Variants in ADAMTS19 observed in about 807,000 individuals in gnomAD.
The protein encoded by ADAMTS19 is ADAM metallopeptidase with thrombospondin type 1 motif 19.
A neutral mutation model predicts 153.3 loss-of-function variants in ADAMTS19; 93 were observed. That is an observed-to-expected ratio of 0.61 (90% CI 0.51 to 0.72). The LOEUF is 0.72. ADAMTS19 is among the 30% of genes least tolerant of loss of function. The probability of loss-of-function intolerance (pLI) is 0.00; values close to 1 mark genes in which losing one functional copy is unlikely to be tolerated. For synonymous variants in ADAMTS19, 600 were observed against 556.6 expected (o/e 1.08, Z -1.10); for missense variants, 1,482 against 1,552.1 (o/e 0.95, Z 0.76).
At chr5:129,542,395 T>C (rs1303104020) in intron 6 of ADAMTS19, among the ~76,000 whole-genome samples, 2 of 152,172 alleles carry the variant, frequency 1.3e-5, no homozygotes, top group South Asian at 2.1e-4. Context: ...AGTGGAAAGA[T>C]GCTAGGGACT....
chr5:129,637,049 C>T (rs192755131), intron 10 of ADAMTS19, among the ~76,000 whole-genome samples: 45 of 151,884 alleles, frequency 3.0e-4, no homozygotes, highest in Admixed American at 2.3e-3. Context: ...TTTTTTGCCT[C>T]TTTGAATATA....
At chr5:129,593,968 G>A (rs1456546941) in intron 7 of ADAMTS19, among the ~76,000 whole-genome samples, 1 of 152,010 alleles carries the variant, frequency 6.6e-6, no homozygotes, top group Non-Finnish European at 1.5e-5. Context: ...ATCAAATAAT[G>A]TTGCCTCCTT....
At chr5:129,478,504 T>A (rs188127394) in intron 2 of ADAMTS19, among the ~76,000 whole-genome samples, 333 of 152,300 alleles carry the variant, frequency 2.2e-3, no homozygotes, top group Non-Finnish European at 3.7e-3. Context: ...CTCCTTTTAA[T>A]CATACCTACA....
chr5:129,566,790 G>T (rs1753731644), intron 7 of ADAMTS19, among the ~76,000 whole-genome samples: 1 of 152,054 alleles, frequency 6.6e-6, no homozygotes, highest in Non-Finnish European at 1.5e-5. Flanking sequence ...AGTAACAGTG[G>T]CAGGAAGATG....
intron 8 of ADAMTS19, among the ~76,000 whole-genome samples, chr5:129,614,364 T>G (rs2189133): frequency 0.58 from 88,564 of 151,904 alleles, 27,224 homozygotes; most frequent in Non-Finnish European, 0.69. Context: ...ATCCCTGGGA[T>G]GCAAGGCTGG....
At chr5:129,472,693 T>C (rs1580983272) in intron 2 of ADAMTS19, among the ~76,000 whole-genome samples, 1 of 151,958 alleles carries the variant, frequency 6.6e-6, no homozygotes, top group Non-Finnish European at 1.5e-5. Context: ...GTTTCAGTCA[T>C]CAGCAATTTT....
At chr5:129,552,444 G>T (rs1403119470) in intron 7 of ADAMTS19, among the ~76,000 whole-genome samples, 4 of 151,616 alleles carry the variant, frequency 2.6e-5, no homozygotes, top group Non-Finnish European at 4.4e-5. Context: ...TTCTAATTTT[G>T]AGAAAATGGT....
Position 129,738,293 on chromosome 5 carries a change from A to G in ADAMTS19, c.*1075A>G, listed in dbSNP as rs1757759308. 1 of 152,096 alleles carries G rather than the reference A, an allele frequency of 6.6e-6. No homozygotes were observed. Among genetic ancestry groups the G allele is most frequent in the Non-Finnish European group, 1.5e-5 (1 of 67,996 alleles). 9.4% of individuals were successfully genotyped at this position (152,096 alleles called of 1,614,324 possible). On this transcript the variant is annotated 3_prime_UTR_variant, in exon 23 of 23. Transcript: ENST00000274487. ...TGAGAAAATATTATACATGATTCAC[A>G]TGATTTCTTAGATTTTTCAATAAAA...
At chr5:129,522,316 T>TATACACACACACACACACACAC (rs1249492013) in intron 3 of ADAMTS19, among the ~76,000 whole-genome samples, 13 of 91,926 alleles carry the variant, frequency 1.4e-4, no homozygotes, top group African/African-American at 5.2e-4. Context: ...TATATATATA[T>TATACACACACACACACACACAC]ACACACACAC....
intron 6 of ADAMTS19, among the ~76,000 whole-genome samples, chr5:129,535,771 A>G (rs898371689): frequency 2.6e-5 from 4 of 152,168 alleles, no homozygotes; most frequent in Non-Finnish European, 5.9e-5. Context: ...ATCTACAACT[A>G]TATGATCTTT....
intron 6 of ADAMTS19, among the ~76,000 whole-genome samples, chr5:129,540,372 GT>G (rs1176060133): frequency 6.6e-6 from 1 of 151,966 alleles, no homozygotes; most frequent in African/African-American, 2.4e-5. Flanking sequence ...ATGCTTCTGG[GT>G]TCATAGTAAC....
chr5:129,619,198 T>C (rs116496146), intron 8 of ADAMTS19, among the ~76,000 whole-genome samples: 277 of 152,132 alleles, frequency 1.8e-3, no homozygotes, highest in African/African-American at 6.2e-3. Context: ...GGTTGCAGGA[T>C]GGAATTTATA....
intron 7 of ADAMTS19, among the ~76,000 whole-genome samples, chr5:129,574,295 C>A (rs1754020720): frequency 6.6e-6 from 1 of 151,710 alleles, no homozygotes; most frequent in African/African-American, 2.4e-5. Context: ...GCATTTTTTT[C>A]TTTATTTCTT....
intron 7 of ADAMTS19, among the ~76,000 whole-genome samples, chr5:129,569,728 A>C (rs1753831218): frequency 6.6e-6 from 1 of 152,110 alleles, no homozygotes; most frequent in East Asian, 1.9e-4. Context: ...TTATGGGTTG[A>C]ATGAAACATT....
intron 6 of ADAMTS19, among the ~76,000 whole-genome samples, chr5:129,532,530 A>C (rs1363765959): frequency 6.6e-6 from 1 of 152,194 alleles, no homozygotes; most frequent in Non-Finnish European, 1.5e-5. Flanking sequence ...GAAAATGAGT[A>C]GTTTCTTATA....
chr5:129,702,941 A>AT (rs1554108030), intron 20 of ADAMTS19, among the ~76,000 whole-genome samples: 34 of 29,286 alleles, frequency 1.2e-3, no homozygotes, highest in Non-Finnish European at 2.2e-3. Flanking sequence ...AAAAAAAAAA[A>AT]ATATATATAT....
intron 21 of ADAMTS19, among the ~76,000 whole-genome samples, chr5:129,708,550 T>C (rs1478828179): frequency 7.7e-6 from 1 of 130,516 alleles, no homozygotes; most frequent in Non-Finnish European, 1.6e-5. Flanking sequence ...TTTAAACTTC[T>C]GCAACTCCTG....
intron 2 of ADAMTS19, among the ~76,000 whole-genome samples, chr5:129,472,512 A>G (rs1580983097): frequency 6.6e-6 from 1 of 152,236 alleles, no homozygotes; most frequent in East Asian, 1.9e-4. Context: ...AAAGGATTCT[A>G]TGGATTTAAA....
chr5:129,588,067 C>G (rs1453760096), intron 7 of ADAMTS19, among the ~76,000 whole-genome samples: 2 of 152,114 alleles, frequency 1.3e-5, no homozygotes, highest in African/African-American at 4.8e-5. Flanking sequence ...TTGTTCCCAA[C>G]AGGAATATTG....
Sources: allele counts gnomAD v4.1 joint callset (sites outside exome capture counted in the v4.1 genomes callset), GRCh38; gene constraint gnomAD v4.1.1; transcripts MANE v1.5; gene names NCBI Gene and HGNC (gene_info 2026-07-23, HGNC 2026-07-21).